Variants in RGS7 observed in about 807,000 individuals in gnomAD.
The protein encoded by RGS7 is regulator of G protein signaling 7.
A neutral mutation model predicts 81.1 loss-of-function variants in RGS7; 27 were observed. That is an observed-to-expected ratio of 0.33 (90% CI 0.25 to 0.46). The LOEUF (loss-of-function observed/expected upper bound fraction) is 0.46, where lower values mean the gene tolerates loss of function less well. Among genes scored for constraint, RGS7 ranks in the 20% least tolerant of loss-of-function variants. The pLI is 1.00. For missense variants in RGS7, 396 were observed against 607.4 expected, an observed-to-expected ratio of 0.65 and a Z score of 3.66; for synonymous variants, 208 against 207.7, an observed-to-expected ratio of 1.00 and a Z score of -0.01.
In RGS7 at chr1:241,157,043, A is replaced by T. The variant is rs74373052; in HGVS notation, c.79-58281T>A. Among the ~76,000 whole-genome samples, 201 of 152,280 alleles carry T rather than the reference A, an allele frequency of 1.3e-3. 4 individuals carry two copies. In the East Asian group the frequency reaches 0.037, roughly 28 times the overall value. ...ATGTGTGAGTGTACATATATGTTTT[A>T]AAAATCCCTAGCAAGAGTAAGTACG... On this transcript the variant is annotated intron_variant, in intron 2 of 18. Transcript: ENST00000440928.
At chr1:241,087,959 T>TCC (rs2063553895) in intron 3 of RGS7, among the ~76,000 whole-genome samples, 1 of 83,596 alleles carries the variant, frequency 1.2e-5, no homozygotes, top group Non-Finnish European at 2.5e-5. Context: ...TCTCTCTCTC[T>TCC]CTCTCTCTCT....
intron 2 of RGS7, among the ~76,000 whole-genome samples, chr1:241,266,844 A>C (rs2077617006): frequency 6.6e-6 from 1 of 151,912 alleles, no homozygotes; most frequent in Non-Finnish European, 1.5e-5. Context: ...AAAATGTGAC[A>C]AAAAAATCAA....
intron 2 of RGS7, among the ~76,000 whole-genome samples, chr1:241,347,003 C>T (rs2148722055): frequency 2.0e-5 from 3 of 152,186 alleles, no homozygotes; most frequent in Middle Eastern, 6.8e-3. Context: ...TCTTCAAAAT[C>T]CCTTGGCATA....
chr1:241,343,439 G>A (rs2082697925), intron 2 of RGS7, among the ~76,000 whole-genome samples: 1 of 152,068 alleles, frequency 6.6e-6, no homozygotes, highest in Non-Finnish European at 1.5e-5. Context: ...ATTGTTAAAT[G>A]AATGAATAAA....
At chr1:241,021,933 AT>A (rs2059557477) in intron 3 of RGS7, among the ~76,000 whole-genome samples, 1 of 152,168 alleles carries the variant, frequency 6.6e-6, no homozygotes, top group East Asian at 1.9e-4. Context: ...CACCTGGCCC[AT>A]CTAAAGTGAG....
chr1:241,040,132 G>T (rs577360515), intron 3 of RGS7, among the ~76,000 whole-genome samples: 41 of 152,292 alleles, frequency 2.7e-4, no homozygotes, highest in African/African-American at 9.1e-4. Flanking sequence ...AAACTGTGAA[G>T]AGTATCACCT....
In RGS7 at chr1:240,900,489, T is replaced by C. The variant is rs541929967; in HGVS notation, c.385+30228A>G. Among the ~76,000 whole-genome samples the C allele has an allele frequency of 3.9e-5, 6 of 152,356 alleles. No homozygotes were observed. The East Asian group carries it at 1.2e-3, about 29-fold the overall frequency. On this transcript the variant is annotated intron_variant, in intron 6 of 18. Transcript: ENST00000440928. ...GGGGTTTTGGTGTGGATGTCCTTTC[T>C]GTTTGTTAGTTTTCCCTCTAACGGT...
In RGS7 at chr1:240,867,846, C is replaced by T. The variant is rs140499575; in HGVS notation, c.609+741G>A. Among the ~76,000 whole-genome samples, 1,048 of 151,696 alleles carry T rather than the reference C, an allele frequency of 6.9e-3. 10 individuals carry two copies. The highest frequency in any genetic ancestry group is 0.025 in the African/African-American group (1,015 of 41,380). On this transcript the variant is annotated intron_variant, in intron 9 of 18. Coordinates refer to ENST00000440928, the MANE Select transcript of RGS7 (RefSeq NM_001364886.1). ...CAAAACTCCATCTCTATCAAAAATA[C>T]AAAAAATTAGCCAGGCTTGGTGGCA...
chr1:241,342,680 C>G (rs2082634293), intron 2 of RGS7, among the ~76,000 whole-genome samples: 1 of 152,316 alleles, frequency 6.6e-6, no homozygotes, highest in East Asian at 1.9e-4. Flanking sequence ...TAGGCCAAAG[C>G]CCTTCCTAAA....
At chr1:241,020,816 T>G (rs776031784) in intron 3 of RGS7, among the ~76,000 whole-genome samples, 8 of 152,176 alleles carry the variant, frequency 5.3e-5, no homozygotes, top group Admixed American at 4.6e-4. Context: ...AATACAACCA[T>G]CAGTGCCAGA....
chr1:241,106,721 A>C (rs549928541), intron 2 of RGS7, among the ~76,000 whole-genome samples: 57 of 127,582 alleles, frequency 4.5e-4, no homozygotes, highest in Middle Eastern at 3.8e-3. Context: ...GTCTCCAAAA[A>C]AAAAAAAAAA....
At chr1:241,124,070 G>A (rs1217464407) in intron 2 of RGS7, among the ~76,000 whole-genome samples, 1 of 152,154 alleles carries the variant, frequency 6.6e-6, no homozygotes, top group East Asian at 1.9e-4. Flanking sequence ...GTGGGGAAAA[G>A]CCAGGGATGT....
intron 2 of RGS7, among the ~76,000 whole-genome samples, chr1:241,209,571 C>A (rs532977748): frequency 3.3e-5 from 5 of 152,114 alleles, no homozygotes; most frequent in African/African-American, 1.2e-4. Flanking sequence ...CATGGTGGCT[C>A]ACATCTGTAA....
intron 3 of RGS7, among the ~76,000 whole-genome samples, chr1:241,020,854 C>A (rs1218777910): frequency 1.3e-5 from 2 of 152,130 alleles, no homozygotes; most frequent in East Asian, 3.9e-4. Flanking sequence ...TCTACTGTAT[C>A]AACTTACTGT....
At chr1:240,935,408 A>G (rs1676451010) in intron 5 of RGS7, among the ~76,000 whole-genome samples, 1 of 152,204 alleles carries the variant, frequency 6.6e-6, no homozygotes, top group South Asian at 2.1e-4. Context: ...TTAAGCTACC[A>G]TTAGTGTAAG....
At chr1:240,982,283 G>A (rs1229124152) in intron 4 of RGS7, among the ~76,000 whole-genome samples, 1 of 151,958 alleles carries the variant, frequency 6.6e-6, no homozygotes, top group Non-Finnish European at 1.5e-5. Flanking sequence ...TTAGCCTGAT[G>A]TGGTGGCACG....
chr1:241,239,340 A>C (rs1486312626), intron 2 of RGS7, among the ~76,000 whole-genome samples: 1 of 152,074 alleles, frequency 6.6e-6, no homozygotes, highest in Non-Finnish European at 1.5e-5. Flanking sequence ...GTTCTAATCT[A>C]GATGATGGCA....
chr1:241,075,423 A>G (rs945896764), intron 3 of RGS7, among the ~76,000 whole-genome samples: 3 of 152,198 alleles, frequency 2.0e-5, no homozygotes, highest in African/African-American at 7.2e-5. Flanking sequence ...GGAGAAAAAG[A>G]GAGAGAAAGG....
Position 240,870,247 on chromosome 1 carries a change from A to G in RGS7, c.386-128T>C, listed in dbSNP as rs570269758. The G allele has an allele frequency of 2.3e-5, 18 of 770,058 alleles. No individual in the cohort carries two copies. In the East Asian group the frequency reaches 4.8e-4, roughly 21 times the overall value. The allele number at this position is 770,058 out of a possible 1,614,324, so 47.7% of individuals were successfully genotyped here. ...TTGTAATTTTTGATCATTTTCTTAG[A>G]CAAAAAATAATTATGTAATAACATT... is the stretch of plus-strand genomic sequence containing the variant. On this transcript the variant is annotated intron_variant, in intron 6 of 18. Coordinates refer to ENST00000440928, the MANE Select transcript of RGS7 (RefSeq NM_001364886.1).
Sources: gnomAD v4.1 joint callset for allele counts (sites outside exome capture counted in the v4.1 genomes callset) on GRCh38, gnomAD v4.1.1 for gene constraint, MANE v1.5 for transcripts, NCBI Gene and HGNC (gene_info 2026-07-23, HGNC 2026-07-21) for gene names.